KIF6: variants seen among roughly 807,000 people sequenced by gnomAD.
The protein encoded by KIF6 is kinesin family member 6, also known as kinesin-like protein KIF6.
Under a neutral mutation model 112.7 loss-of-function variants are expected in KIF6, and 106 were observed. That is an observed-to-expected ratio of 0.94 (90% confidence interval 0.80 to 1.11). The LOEUF is 1.11. Among genes scored for constraint, KIF6 ranks in the 50% least tolerant of loss-of-function variants. KIF6 has a pLI of 0.00. For synonymous variants in KIF6, 339 were observed against 339.9 expected, an observed-to-expected ratio of 1.00 and a Z score of 0.03; for missense variants, 929 against 964.0, an observed-to-expected ratio of 0.96 and a Z score of 0.48.
intron 3 of KIF6, among the ~76,000 whole-genome samples, chr6:39,695,689 CTG>C (rs2113818629): frequency 6.6e-6 from 1 of 152,314 alleles, no homozygotes; most frequent in South Asian, 2.1e-4. Context: ...TCTTTCTACA[CTG>C]TTCATGGGAA....
In KIF6 at chr6:39,522,658, C is replaced by T. The variant is rs947343185; in HGVS notation, c.1645+17345G>A. On this transcript the variant is annotated intron_variant, in intron 13 of 22. Transcript: ENST00000287152. The stretch of plus-strand genomic sequence containing the variant: ...CCAACAGATTCCTTGAAGTTCTCAT[C>T]TTACTTGACCACTCTGCAATGTCCA... Among the ~76,000 whole-genome samples, 7 of 152,336 alleles carry T rather than the reference C, an allele frequency of 4.6e-5. No homozygotes were observed. The East Asian group carries it at 1.4e-3, about 29-fold the overall frequency.
chr6:39,720,250 G>A (rs150406191), intron 2 of KIF6, among the ~76,000 whole-genome samples: 2 of 152,142 alleles, frequency 1.3e-5, no homozygotes, highest in East Asian at 3.9e-4. Context: ...AACCACATGT[G>A]GCTTGTGGCT....
chr6:39,510,293 C>T (rs191575089), intron 13 of KIF6, among the ~76,000 whole-genome samples: 22 of 151,996 alleles, frequency 1.4e-4, no homozygotes, highest in South Asian at 4.2e-4. Flanking sequence ...GGGGTTTCAC[C>T]GTGGTAGCCA....
intron 3 of KIF6, among the ~76,000 whole-genome samples, chr6:39,650,664 T>C (rs1380819836): frequency 6.6e-6 from 1 of 152,004 alleles, no homozygotes; most frequent in Non-Finnish European, 1.5e-5. Flanking sequence ...CATTTTCAGA[T>C]AACCATCTAA....
intron 13 of KIF6, among the ~76,000 whole-genome samples, chr6:39,443,290 A>G (rs1048902795): frequency 6.6e-6 from 1 of 151,704 alleles, no homozygotes; most frequent in African/African-American, 2.4e-5. Context: ...CACCCTAATG[A>G]GATTAGCTCT....
intron 13 of KIF6, among the ~76,000 whole-genome samples, chr6:39,467,415 C>T (rs1383109159): frequency 6.6e-6 from 1 of 151,998 alleles, no homozygotes; most frequent in East Asian, 1.9e-4. Flanking sequence ...ACAATAAAAC[C>T]ATCAGGTGTC....
At chr6:39,594,139 T>C (rs1169624691) in intron 7 of KIF6, among the ~76,000 whole-genome samples, 1 of 151,996 alleles carries the variant, frequency 6.6e-6, no homozygotes, top group Non-Finnish European at 1.5e-5. Context: ...ATTAAGAATT[T>C]TGAAGAGAAG....
chr6:39,346,229 G>C (rs1381511443), intron 20 of KIF6: 2 of 612,226 alleles, frequency 3.3e-6, no homozygotes, highest in Non-Finnish European at 6.0e-6. Context: ...CCCTCAGCAG[G>C]AACTAAATCT....
chr6:39,343,026 G>A lies in KIF6; in HGVS notation c.2428+683C>T. On this transcript the variant is annotated intron_variant, in intron 22 of 22. Coordinates refer to ENST00000287152, the MANE Select transcript of KIF6 (RefSeq NM_145027.6). This position sits in a 1 kb window ranked among gnomAD's most constrained non-coding sequence, Gnocchi z 4.1. ...TATGGGGAGGAGGCTAAGACAAAATGCAGGCCTGGGGTAAGGGGCCCTGGG... is the reference window on the plus strand; with the variant it reads ...TATGGGGAGGAGGCTAAGACAAAATACAGGCCTGGGGTAAGGGGCCCTGGG... 3.0e-6 allele frequency: 3 copies of A among 985,446 alleles called. No homozygotes were observed. The highest frequency in any genetic ancestry group is 3.6e-6 in the Non-Finnish European group (3 of 829,926). The allele number at this position is 985,446 out of a possible 1,614,324, so 61.0% of individuals were successfully genotyped here.
chr6:39,508,671 C>A (rs1776588447), intron 13 of KIF6, among the ~76,000 whole-genome samples: 1 of 152,072 alleles, frequency 6.6e-6, no homozygotes, highest in South Asian at 2.1e-4. Flanking sequence ...GGGCTTCCGC[C>A]ATTGATGAGG....
chr6:39,582,687 T>TTG (rs1351253819), intron 9 of KIF6, among the ~76,000 whole-genome samples: 3 of 152,186 alleles, frequency 2.0e-5, no homozygotes, highest in African/African-American at 4.8e-5. Context: ...AGTGCTGGGA[T>TTG]TACAGGCGTG....
intron 6 of KIF6, among the ~76,000 whole-genome samples, chr6:39,607,024 T>C (rs1582257129): frequency 1.3e-5 from 2 of 152,326 alleles, no homozygotes; most frequent in East Asian, 3.9e-4. Context: ...ATTTCCTTGT[T>C]TCACTGAAGA....
rs1443982685 is a variant in KIF6, at chr6:39,342,594, G to GTTTTTTTTTTTTTTTTTTT, written c.2428+1114_2428+1115insAAAAAAAAAAAAAAAAAAA. Among the ~76,000 whole-genome samples, 2 of 124,308 alleles carry GTTTTTTTTTTTTTTTTTTT rather than the reference G, an allele frequency of 1.6e-5. No homozygotes were observed. Among genetic ancestry groups the GTTTTTTTTTTTTTTTTTTT allele is most frequent in the Non-Finnish European group, 1.6e-5 (1 of 63,772 alleles). 81.6% of individuals were successfully genotyped at this position (124,308 alleles called of 152,430 possible). A position where few individuals can be genotyped will look rare whatever the true frequency, so the allele number is the denominator to read the frequency against. ...GGGGACTTGGAGATCACTGAATCCA[G>GTTTTTTTTTTTTTTTTTTT]TTTTTTATTTTTTTTTATTTTTTTT... On this transcript the variant is annotated intron_variant, in intron 22 of 22. Coordinates refer to ENST00000287152, the MANE Select transcript of KIF6 (RefSeq NM_145027.6). This position sits in a 1 kb window ranked among gnomAD's most constrained non-coding sequence, Gnocchi z 4.7.
At chr6:39,450,756 A>G (rs1772647202) in intron 13 of KIF6, among the ~76,000 whole-genome samples, 1 of 152,184 alleles carries the variant, frequency 6.6e-6, no homozygotes, top group Admixed American at 6.5e-5. Context: ...AGTCAGCCAT[A>G]ATCGCACCAC....
chr6:39,568,131 T>C (rs1780415322), intron 10 of KIF6, among the ~76,000 whole-genome samples: 1 of 152,166 alleles, frequency 6.6e-6, no homozygotes, highest in African/African-American at 2.4e-5. Context: ...TCAGACAACG[T>C]CCTGGTCCTC....
At chr6:39,723,085 C>G (rs1312497407) in intron 1 of KIF6, among the ~76,000 whole-genome samples, 1 of 152,130 alleles carries the variant, frequency 6.6e-6, no homozygotes, top group Non-Finnish European at 1.5e-5. Flanking sequence ...AGCTAAGAAT[C>G]TGGGGGGAAA....
At chr6:39,476,236 A>C (rs1182211985) in intron 13 of KIF6, among the ~76,000 whole-genome samples, 3 of 151,660 alleles carry the variant, frequency 2.0e-5, no homozygotes, top group African/African-American at 7.3e-5. Flanking sequence ...AAGAAAAGTC[A>C]CTTCAAGTAC....
chr6:39,679,178 T>A (rs532978155), intron 3 of KIF6, among the ~76,000 whole-genome samples: 1 of 152,346 alleles, frequency 6.6e-6, no homozygotes, highest in Admixed American at 6.5e-5. Flanking sequence ...AAGGAAGCCA[T>A]CATTTAATTG....
At chr6:39,609,783 C>A (rs2150713464) in intron 6 of KIF6, among the ~76,000 whole-genome samples, 1 of 152,246 alleles carries the variant, frequency 6.6e-6, no homozygotes, top group Non-Finnish European at 1.5e-5. Flanking sequence ...GGGTTTCAAC[C>A]AGCTTTCTTA....
Sources: allele counts gnomAD v4.1 joint callset (sites outside exome capture counted in the v4.1 genomes callset), GRCh38; gene constraint gnomAD v4.1.1; non-coding constraint Gnocchi (gnomAD v3.1); transcripts MANE v1.5; gene names NCBI Gene and HGNC (gene_info 2026-07-23, HGNC 2026-07-21).